The following SEMA3A variants were observed in gnomAD, a reference collection of about 807,000 sequenced individuals.
SEMA3A encodes semaphorin 3A, also known as semaphorin-3A.
A neutral mutation model predicts 97.9 loss-of-function variants in SEMA3A; 29 were observed. That is an observed-to-expected ratio of 0.30 (90% CI 0.22 to 0.40). SEMA3A has a LOEUF of 0.40. Among genes scored for constraint, SEMA3A ranks in the 10% least tolerant of loss-of-function variants. The pLI, the probability that SEMA3A is intolerant of heterozygous loss-of-function variation, is 1.00. For missense variants in SEMA3A, 763 were observed against 951.3 expected, an observed-to-expected ratio of 0.80 and a Z score of 2.60; for synonymous variants, 321 against 323.7, an observed-to-expected ratio of 0.99 and a Z score of 0.09.
intron 4 of SEMA3A, among the ~76,000 whole-genome samples, chr7:84,089,470 G>A (rs1794493169): frequency 6.6e-6 from 1 of 151,838 alleles, no homozygotes; most frequent in South Asian, 2.1e-4. Context: ...AACAAGGAGT[G>A]TTAAAATTAT....
At chr7:84,026,893 G>A (rs1024834186) in intron 6 of SEMA3A, among the ~76,000 whole-genome samples, 1 of 151,840 alleles carries the variant, frequency 6.6e-6, no homozygotes, top group Admixed American at 6.6e-5. Context: ...ATAACTATTG[G>A]GTACTAGGCT....
chr7:84,381,378 T>C (rs967059504), intron 1 of SEMA3A, among the ~76,000 whole-genome samples: 1 of 152,208 alleles, frequency 6.6e-6, no homozygotes, highest in African/African-American at 2.4e-5. Context: ...TAATACACAT[T>C]GACCTTGTTG....
chr7:84,173,727 G>T (rs1025904587), intron 1 of SEMA3A, among the ~76,000 whole-genome samples: 4 of 152,036 alleles, frequency 2.6e-5, no homozygotes, highest in African/African-American at 9.7e-5. Flanking sequence ...GTAGAGCAAG[G>T]GCTTCCCAAT....
At chr7:83,972,700 A>T (rs952551216) in intron 15 of SEMA3A, among the ~76,000 whole-genome samples, 1 of 152,112 alleles carries the variant, frequency 6.6e-6, no homozygotes, top group Non-Finnish European at 1.5e-5. Context: ...GCAAGCTTTT[A>T]AAAAAATCTT....
chr7:84,244,268 G>T (rs1363842987), intron 3 of SEMA3A, among the ~76,000 whole-genome samples: 2 of 152,106 alleles, frequency 1.3e-5, no homozygotes, highest in Non-Finnish European at 2.9e-5. Flanking sequence ...ATGAGTCTGG[G>T]TGCTCCTGTA....
At chr7:84,260,790 C>A (rs1051245658) in intron 3 of SEMA3A, among the ~76,000 whole-genome samples, 1 of 152,094 alleles carries the variant, frequency 6.6e-6, no homozygotes, top group Non-Finnish European at 1.5e-5. Context: ...ACAGCCTGTG[C>A]GTCATGGATG....
chr7:84,046,871 A>C (rs778191963), intron 5 of SEMA3A, among the ~76,000 whole-genome samples: 7 of 152,064 alleles, frequency 4.6e-5, no homozygotes, highest in Non-Finnish European at 1.0e-4. Flanking sequence ...TCATTATAAA[A>C]TCTTATTCAT....
intron 1 of SEMA3A, among the ~76,000 whole-genome samples, chr7:84,383,985 T>G (rs1803335949): frequency 6.6e-6 from 1 of 152,198 alleles, no homozygotes; most frequent in Admixed American, 6.5e-5. Context: ...TAAACACAAG[T>G]TCACTGCCTT....
intron 1 of SEMA3A, among the ~76,000 whole-genome samples, chr7:84,139,616 C>G (rs1006374990): frequency 6.6e-6 from 1 of 151,930 alleles, no homozygotes; most frequent in Non-Finnish European, 1.5e-5. Context: ...TTATATAAGA[C>G]AATGAAGACG....
chr7:84,022,196 A>G (rs1053845229), intron 6 of SEMA3A, among the ~76,000 whole-genome samples: 2 of 152,186 alleles, frequency 1.3e-5, no homozygotes, highest in African/African-American at 4.8e-5. Flanking sequence ...AAGAAATTCA[A>G]TAACTTGCCT....
chr7:84,135,654 C>T (rs1346389194), intron 1 of SEMA3A, among the ~76,000 whole-genome samples: 1 of 152,100 alleles, frequency 6.6e-6, no homozygotes, highest in Admixed American at 6.6e-5. Flanking sequence ...AGCACAGAAC[C>T]TAACAAAATA....
chr7:84,316,404 GA>G (rs376904006), intron 2 of SEMA3A, among the ~76,000 whole-genome samples: 35 of 148,386 alleles, frequency 2.4e-4, no homozygotes, highest in Middle Eastern at 3.5e-3. Flanking sequence ...TCCTTAAAAT[GA>G]AAAAAAAAGA....
intron 1 of SEMA3A, among the ~76,000 whole-genome samples, chr7:84,427,542 G>A (rs1198966286): frequency 1.3e-5 from 2 of 150,648 alleles, no homozygotes; most frequent in African/African-American, 4.9e-5. Flanking sequence ...AGCTACTTGG[G>A]AGGCTGAGGC....
chr7:84,223,327 A>ATG (rs776371415), intron 3 of SEMA3A, among the ~76,000 whole-genome samples: 1 of 151,686 alleles, frequency 6.6e-6, no homozygotes, highest in African/African-American at 2.4e-5. Context: ...ATGCATGTAA[A>ATG]TGTGTGTGTG....
chr7:84,363,086 T>TAA (rs1802765201), intron 2 of SEMA3A, among the ~76,000 whole-genome samples: 1 of 151,930 alleles, frequency 6.6e-6, no homozygotes, highest in African/African-American at 2.4e-5. Flanking sequence ...GAAGCTAAAG[T>TAA]AGCAAGGGAA....
In SEMA3A at chr7:84,011,082, A is replaced by C; in HGVS notation, c.935T>G (p.Phe312Cys). Residue 312 changes from phenylalanine (F) to cysteine (C), a missense_variant, in exon 9 of 17, where the codon TTC (phenylalanine) becomes TGC (cysteine). By Grantham distance (205) the Phe-to-Cys change is radical. This residue lies in a region of SEMA3A where 678 missense variants were observed against 881.3 expected (regional missense o/e 0.77). Coordinates refer to ENST00000265362, the MANE Select transcript of SEMA3A (RefSeq NM_006080.3). Reference sequence around the variant, plus strand: ...TTTAGGATCTTTAAAGTTCATTAGGAATACATCCTCTGTTTAAAAACAAAA... The same window carrying C: ...TTTAGGATCTTTAAAGTTCATTAGGCATACATCCTCTGTTTAAAAACAAAA... ...DTHFDELQDV[F>C]LMNFKDPKNP... 6.2e-7 allele frequency: 1 copy of C among 1,612,354 alleles called. No homozygotes were observed. Among genetic ancestry groups the C allele is most frequent in the Non-Finnish European group, 8.5e-7 (1 of 1,178,642 alleles).
At chr7:84,470,369 T>G (rs1451071875) in intron 1 of SEMA3A, among the ~76,000 whole-genome samples, 1 of 152,150 alleles carries the variant, frequency 6.6e-6, no homozygotes, top group Non-Finnish European at 1.5e-5. Flanking sequence ...ATTCTAGATT[T>G]GAACTAAGCT....
chr7:84,318,597 C>T lies in SEMA3A; in HGVS notation c.-168-11305G>A, dbSNP rs953996856. Among the ~76,000 whole-genome samples, 128 of 152,268 alleles carry T rather than the reference C, an allele frequency of 8.4e-4. 1 individual carries two copies. The highest frequency in any genetic ancestry group is 2.8e-3 in the African/African-American group (118 of 41,560). ...TCGGCCTCCCAAAGTGCTGGGATTA[C>T]AGGCGTGAGCCATCGCGCCCGGCCG... is the stretch of plus-strand genomic sequence containing the variant. On this transcript the variant is annotated intron_variant, in intron 2 of 3. Coordinates refer to the SEMA3A transcript ENST00000424555.
intron 4 of SEMA3A, among the ~76,000 whole-genome samples, chr7:84,063,796 G>A (rs887690677): frequency 2.7e-5 from 4 of 149,540 alleles, no homozygotes; most frequent in Non-Finnish European, 5.9e-5. Context: ...CGTCTGATTG[G>A]TGTACCTGAA....
Sources: allele counts gnomAD v4.1 joint callset (sites outside exome capture counted in the v4.1 genomes callset), GRCh38; gene constraint gnomAD v4.1.1; regional missense constraint gnomAD v4.1.1; transcripts MANE v1.5; gene names NCBI Gene and HGNC (gene_info 2026-07-23, HGNC 2026-07-21).